The following ANKRD22 variants were observed in gnomAD, a reference collection of about 807,000 sequenced individuals.
ANKRD22 encodes ankyrin repeat domain-containing protein 22.
A neutral mutation model predicts 25.7 loss-of-function variants in ANKRD22; 24 were observed. The observed-to-expected ratio is 0.93, with a 90% CI of 0.68 to 1.31. The LOEUF is 1.31. ANKRD22 is among the 50% of genes most tolerant of loss of function. The pLI is 0.00. For missense variants in ANKRD22, 214 were observed against 227.1 expected, an observed-to-expected ratio of 0.94 and a Z score of 0.37; for synonymous variants, 84 against 84.3, an observed-to-expected ratio of 1.00 and a Z score of 0.02.
Position 88,822,689 on chromosome 10 carries a change from T to C in ANKRD22, c.*252A>G. On this transcript the variant is annotated 3_prime_UTR_variant, in exon 6 of 6. Transcript: ENST00000371930. ...TGTACCACTGTGCCTAGCTGAAACA[T>C]CAGTTTCTGACTGAAGTGGAGACTA... is the stretch of plus-strand genomic sequence containing the variant. 2.6e-6 allele frequency: 1 copy of C among 390,296 alleles called. No homozygotes were observed. Among genetic ancestry groups the C allele is most frequent in the Non-Finnish European group, 4.7e-6 (1 of 212,992 alleles). 24.2% of individuals were successfully genotyped at this position (390,296 alleles called of 1,614,324 possible).
intron 4 of ANKRD22, among the ~76,000 whole-genome samples, chr10:88,824,982 T>C (rs1843838204): frequency 7.9e-6 from 1 of 126,870 alleles, no homozygotes; most frequent in Non-Finnish European, 1.7e-5. Flanking sequence ...GTTATTTTCT[T>C]TTGCTCTCTC....
rs1554832256 is a variant in ANKRD22 at position 88,822,544 on chromosome 10, C to CTGCTTTTT, written c.*396_*397insAAAAAGCA. On this transcript the variant is annotated 3_prime_UTR_variant, in exon 6 of 6. Coordinates refer to ENST00000371930, the MANE Select transcript of ANKRD22 (RefSeq NM_144590.3). ...AAAGACTGAGTTTGGAACACCAGGGCTTTTTTTTTTTTTTTTTTTTTTGAG... is the reference window on the plus strand; with the variant it reads ...AAAGACTGAGTTTGGAACACCAGGGCTGCTTTTTTTTTTTTTTTTTTTTTTTTTTTGAG... 18 of 36,436 alleles carry CTGCTTTTT rather than the reference C, an allele frequency of 4.9e-4. No individual in the cohort carries two copies. Among genetic ancestry groups the CTGCTTTTT allele is most frequent in the Non-Finnish European group, 8.8e-4 (15 of 17,012 alleles). The allele number at this position is 36,436 out of a possible 1,614,324, so 2.3% of individuals were successfully genotyped here.
intron 1 of ANKRD22, among the ~76,000 whole-genome samples, chr10:88,836,864 C>A (rs776347509): frequency 1.3e-5 from 2 of 152,078 alleles, no homozygotes; most frequent in Non-Finnish European, 2.9e-5. Context: ...GTGAAAGTTT[C>A]AAGAAGGAAG....
At chr10:88,825,931 A>G in intron 4 of ANKRD22, 107 bp downstream of exon 4, 1 of 941,782 alleles carries the variant, frequency 1.1e-6, no homozygotes, top group South Asian at 1.8e-5. Flanking sequence ...AAGAAAACTA[A>G]ATGTAAAATT....
chr10:88,844,639 T>A (rs1344899156), intron 1 of ANKRD22, among the ~76,000 whole-genome samples: 4 of 152,072 alleles, frequency 2.6e-5, no homozygotes, highest in Non-Finnish European at 5.9e-5. Flanking sequence ...ATCTAAGGAA[T>A]CTTTATGGTT....
chr10:88,824,243 C>G (rs1267209814), intron 4 of ANKRD22, among the ~76,000 whole-genome samples: 1 of 152,134 alleles, frequency 6.6e-6, no homozygotes, highest in Non-Finnish European at 1.5e-5. Flanking sequence ...ATTTAAAACA[C>G]TACAGGTCAA....
intron 1 of ANKRD22, among the ~76,000 whole-genome samples, chr10:88,843,604 T>C (rs1844022697): frequency 6.6e-6 from 1 of 152,168 alleles, no homozygotes; most frequent in South Asian, 2.1e-4. Context: ...TTGTATTATT[T>C]CAGTGTAACA....
chr10:88,828,729 G>T, intron 2 of ANKRD22, 63 bp from the exon 3 acceptor site: 2 of 1,259,806 alleles, frequency 1.6e-6, no homozygotes, highest in Non-Finnish European at 1.1e-6. Flanking sequence ...TATTCAGATG[G>T]CCATCTCAAA....
intron 1 of ANKRD22, among the ~76,000 whole-genome samples, chr10:88,844,596 A>G (rs1844031416): frequency 6.6e-6 from 1 of 152,126 alleles, no homozygotes; most frequent in South Asian, 2.1e-4. Context: ...AGTAAACATT[A>G]CAGATTTTTA....
chr10:88,830,086 G>A (rs781628037), intron 2 of ANKRD22, among the ~76,000 whole-genome samples: 1 of 152,106 alleles, frequency 6.6e-6, no homozygotes, highest in Non-Finnish European at 1.5e-5. Flanking sequence ...ACTGCACATG[G>A]CCCGTTTCAA....
chr10:88,827,387 C>T (rs1015734655), intron 3 of ANKRD22, among the ~76,000 whole-genome samples: 1 of 152,212 alleles, frequency 6.6e-6, no homozygotes, highest in Non-Finnish European at 1.5e-5. Context: ...GTCCTCCAGC[C>T]TCTAAACATT....
rs922083908 is a variant in ANKRD22 at position 88,831,932 on chromosome 10, T to C, written c.116A>G (p.Asn39Ser). ...SSYANVQDGF[N>S]GDTPLICACR... ...AGCACAGATCAGGGGCGTGTCTCCA[T>C]TAAAGCCATCTTGAACGTTGGCATA... The change falls in exon 2 of 6, where the codon AAT (asparagine) becomes AGT (serine). Residue 39 changes from asparagine to serine, a missense_variant. By Grantham distance (46) the Asn-to-Ser change is conservative. Transcript: ENST00000371930. 6.2e-7 allele frequency: 1 copy of C among 1,613,892 alleles called. No individual in the cohort carries two copies. Among genetic ancestry groups the C allele is most frequent in the African/African-American group, 1.3e-5 (1 of 74,890 alleles).
In ANKRD22 at chr10:88,821,610, G is replaced by A. The variant is rs1401817754; in HGVS notation, c.*1331C>T. Among the ~76,000 whole-genome samples the A allele has an allele frequency of 1.3e-5, 2 of 151,896 alleles. No individual in the cohort carries two copies. The highest frequency in any genetic ancestry group is 4.8e-5 in the African/African-American group (2 of 41,304). On this transcript the variant is annotated 3_prime_UTR_variant, in exon 6 of 6. Transcript: ENST00000371930. Reference sequence around the variant, plus strand: ...TATTAAGACACGTTTAAAGACTTCAGAATCTATATCTACACACTATTACTT... The same window carrying A: ...TATTAAGACACGTTTAAAGACTTCAAAATCTATATCTACACACTATTACTT...
In ANKRD22 at chr10:88,822,107, A is replaced by C. The variant is rs1289045405; in HGVS notation, c.*834T>G. On this transcript the variant is annotated 3_prime_UTR_variant, in exon 6 of 6. Coordinates refer to ENST00000371930, the MANE Select transcript of ANKRD22 (RefSeq NM_144590.3). ...TTTTCATAGTTGCATAGTCTTGCTC[A>C]AACCAAGATGGCTTTTATTTGTAAA... 1 of 152,228 alleles carries C rather than the reference A, an allele frequency of 6.6e-6. No individual in the cohort carries two copies. Among genetic ancestry groups the C allele is most frequent in the African/African-American group, 2.4e-5 (1 of 41,462 alleles). The allele number at this position is 152,228 out of a possible 1,614,324, so 9.4% of individuals were successfully genotyped here. A position where few individuals can be genotyped will look rare whatever the true frequency, so the allele number is the denominator to read the frequency against.
chr10:88,828,426 T>C, intron 3 of ANKRD22, 133 bp downstream of exon 3: 1 of 717,124 alleles, frequency 1.4e-6, no homozygotes, highest in Non-Finnish European at 2.4e-6. Flanking sequence ...GTTGAACATG[T>C]CAATTACAGA....
intron 2 of ANKRD22, among the ~76,000 whole-genome samples, chr10:88,830,101 T>C (rs1336684313): frequency 2.0e-5 from 3 of 152,222 alleles, no homozygotes; most frequent in African/African-American, 7.2e-5. Context: ...TTTCAAGTTT[T>C]AAACTTTTCA....
At chr10:88,829,330 A>T (rs985797452) in intron 2 of ANKRD22, among the ~76,000 whole-genome samples, 15 of 152,326 alleles carry the variant, frequency 9.8e-5, no homozygotes, top group African/African-American at 3.4e-4. Context: ...AGCCCAAGAG[A>T]AAGAAAGGAG....
Position 88,839,556 on chromosome 10 carries a change from C to G in ANKRD22, c.22-7530G>C, listed in dbSNP as rs113936350. The stretch of plus-strand genomic sequence containing the variant: ...TCTCCAAGAAATCTCTTTCATCTTT[C>G]CTACCTGCAGCAGGAAATATACAGA... On this transcript the variant is annotated intron_variant, in intron 1 of 5. Transcript: ENST00000371930. Among the ~76,000 whole-genome samples, 13 of 152,254 alleles carry G rather than the reference C, an allele frequency of 8.5e-5. 2 individuals are homozygous for G. Among genetic ancestry groups the G allele is most frequent in the African/African-American group, 3.1e-4 (13 of 41,540 alleles).
rs1844105161 is a variant in ANKRD22, at chr10:88,851,581, A to G, written c.21+6T>C. 6.2e-7 allele frequency: 1 copy of G among 1,613,276 alleles called. No individual in the cohort carries two copies. Among genetic ancestry groups the G allele is most frequent in the Non-Finnish European group, 8.5e-7 (1 of 1,179,530 alleles). ...TTGGAACTCTGCTTTCAGAAAGGTG[A>G]TGTACCTCAGAGTATAGGATTCCCA... On this transcript the variant is annotated splice_donor_region_variant and intron_variant, in intron 1 of 5. Transcript: ENST00000371930.
Sources: gnomAD v4.1 joint callset for allele counts (sites outside exome capture counted in the v4.1 genomes callset) on GRCh38, gnomAD v4.1.1 for gene constraint, MANE v1.5 for transcripts, NCBI Gene and HGNC (gene_info 2026-07-23, HGNC 2026-07-21) for gene names.